The following SND1 variants were observed in gnomAD, a reference collection of about 807,000 sequenced individuals.
The protein encoded by SND1 is staphylococcal nuclease domain-containing protein 1.
Under a neutral mutation model 121.7 loss-of-function variants are expected in SND1, and 38 were observed. The ratio of observed to expected loss-of-function variants is 0.31; its 90% confidence interval spans 0.24 to 0.41. The LOEUF (loss-of-function observed/expected upper bound fraction) is 0.41, where lower values mean the gene tolerates loss of function less well. SND1 is among the 10% of genes least tolerant of loss of function. SND1 has a pLI of 1.00. For missense variants in SND1, 868 were observed against 1,184.6 expected (o/e 0.73, Z 3.92); for synonymous variants, 401 against 447.4 (o/e 0.90, Z 1.31).
chr7:127,771,434 G>A (rs1182537905), intron 10 of SND1, among the ~76,000 whole-genome samples: 3 of 152,130 alleles, frequency 2.0e-5, no homozygotes, highest in African/African-American at 7.2e-5. Context: ...AACTCATTGA[G>A]GTCTACTTGC....
At chr7:127,776,592 A>T (rs1247687414) in intron 10 of SND1, among the ~76,000 whole-genome samples, 1 of 152,250 alleles carries the variant, frequency 6.6e-6, no homozygotes, top group East Asian at 1.9e-4. Context: ...CTCTTATTTA[A>T]AACTAATCAA....
chr7:127,857,967 G>T, intron 12 of SND1: 1 of 1,403,054 alleles, frequency 7.1e-7, no homozygotes, highest in South Asian at 1.2e-5. Flanking sequence ...TCTGCATCTG[G>T]TCGCTGGTGA....
intron 10 of SND1, among the ~76,000 whole-genome samples, chr7:127,765,462 G>A (rs548431266): frequency 2.0e-5 from 3 of 152,328 alleles, no homozygotes; most frequent in Admixed American, 6.5e-5. Context: ...AGTGAGAATA[G>A]TAAAATATCA....
At chr7:127,991,923 C>T (rs1249281464) in intron 16 of SND1, among the ~76,000 whole-genome samples, 2 of 152,070 alleles carry the variant, frequency 1.3e-5, no homozygotes, top group African/African-American at 4.8e-5. Flanking sequence ...ATACATGAGG[C>T]GTGAGAGAAC....
In SND1 at chr7:127,871,449, C is replaced by T. The variant is rs1049424326; in HGVS notation, c.1344-16453C>T. 7.2e-5 allele frequency among the ~76,000 whole-genome samples: 11 copies of T among 152,262 alleles called. No homozygotes were observed. In the East Asian group the frequency reaches 1.2e-3, roughly 16 times the overall value. On this transcript the variant is annotated intron_variant, in intron 12 of 23. Coordinates refer to ENST00000354725, the MANE Select transcript of SND1 (RefSeq NM_014390.4). ...TGCATTGTGCTGCAGGCTATGACTA[C>T]GCAGTCTCTAGGCCATAGCAGATTT...
intron 14 of SND1, among the ~76,000 whole-genome samples, chr7:127,926,745 T>C (rs894244002): frequency 1.3e-5 from 2 of 148,956 alleles, no homozygotes; most frequent in African/African-American, 5.1e-5. Flanking sequence ...GTTGTTGTTG[T>C]TGTTGTTGTT....
chr7:127,921,840 G>T (rs911486468), intron 14 of SND1, among the ~76,000 whole-genome samples: 6 of 152,128 alleles, frequency 3.9e-5, no homozygotes, highest in Non-Finnish European at 5.9e-5. Context: ...AGATTCATAC[G>T]TGTTGTTGCC....
intron 16 of SND1, among the ~76,000 whole-genome samples, chr7:128,072,871 G>A: frequency 6.6e-6 from 1 of 152,216 alleles, no homozygotes; most frequent in East Asian, 1.9e-4. Context: ...TACAAGAGTA[G>A]GTCCTTCAGC....
At chr7:128,006,727 A>T (rs1464149871) in intron 16 of SND1, among the ~76,000 whole-genome samples, 1 of 152,244 alleles carries the variant, frequency 6.6e-6, no homozygotes, top group African/African-American at 2.4e-5. Context: ...GCTGTGGCAT[A>T]AAGTGAGCCA....
rs1490000095 is a variant in SND1 at position 127,926,826 on chromosome 7, C to T, written c.1528-2362C>T. On this transcript the variant is annotated intron_variant, in intron 14 of 23. Coordinates refer to ENST00000354725, the MANE Select transcript of SND1 (RefSeq NM_014390.4). ...CAGGATACTCTCGATCTCCTGACCT[C>T]GTGATTTGCCTGCCTCAGCCTCCCA... Among the ~76,000 whole-genome samples, 3 of 151,582 alleles carry T rather than the reference C, an allele frequency of 2.0e-5. No individual in the cohort carries two copies. The East Asian group carries it at 5.8e-4, about 29-fold the overall frequency.
chr7:127,847,113 CA>C (rs1010036582), intron 12 of SND1, among the ~76,000 whole-genome samples: 2 of 151,032 alleles, frequency 1.3e-5, no homozygotes, highest in African/African-American at 4.9e-5. Context: ...ACTAAAAATA[CA>C]AAAAAAAATT....
chr7:127,662,910 T>G (rs1312785161), intron 1 of SND1, among the ~76,000 whole-genome samples: 2 of 130,454 alleles, frequency 1.5e-5, no homozygotes, highest in Non-Finnish European at 3.5e-5. Context: ...TTTTTTTTTT[T>G]GAGACAGAAT....
chr7:128,012,184 G>A (rs1370065977), intron 16 of SND1, among the ~76,000 whole-genome samples: 2 of 152,136 alleles, frequency 1.3e-5, no homozygotes, highest in Non-Finnish European at 2.9e-5. Flanking sequence ...AAGTTTTCAT[G>A]AGTAATCTGG....
rs993188344 is a variant in SND1 at position 127,703,180 on chromosome 7, C to T, written c.697C>T (p.Arg233Trp). Residue 233 changes from arginine (R) to tryptophan (W), a missense_variant, in exon 7 of 24, where the codon CGG (arginine) becomes TGG (tryptophan). Around this residue, in one of 2 missense-constraint regions of SND1, gnomAD observed 743 missense variants for 1,071.3 expected, o/e 0.69. Coordinates refer to ENST00000354725, the MANE Select transcript of SND1 (RefSeq NM_014390.4). ...LSGIKCPTFR[R>W]EADGSETPEP... ...TTTGCTTTAGTGCCCAACTTTTCGACGGGAAGCAGATGGCAGTGAAACTCC... is the reference window on the plus strand; with the variant it reads ...TTTGCTTTAGTGCCCAACTTTTCGATGGGAAGCAGATGGCAGTGAAACTCC... 3 of 1,614,042 alleles carry T rather than the reference C, an allele frequency of 1.9e-6. No individual in the cohort carries two copies. Among genetic ancestry groups the T allele is most frequent in the East Asian group, 4.5e-5 (2 of 44,868 alleles).
At chr7:127,909,958 G>A (rs1490576440) in intron 14 of SND1, among the ~76,000 whole-genome samples, 1 of 152,170 alleles carries the variant, frequency 6.6e-6, no homozygotes, top group Non-Finnish European at 1.5e-5. Flanking sequence ...GACAGGGTTG[G>A]ATTTTCTCCA....
intron 16 of SND1, chr7:128,031,219 C>T (rs1792588604): frequency 6.6e-6 from 1 of 152,218 alleles, no homozygotes; most frequent in Non-Finnish European, 1.5e-5. Flanking sequence ...GCCACCAGCG[C>T]TTCCCGGCTT....
rs150924914 is a variant in SND1 at position 128,023,445 on chromosome 7, G to T, written c.1779+32389G>T. Among the ~76,000 whole-genome samples the T allele has an allele frequency of 3.0e-3, 457 of 152,288 alleles. 2 individuals carry two copies. Among genetic ancestry groups the T allele is most frequent in the Middle Eastern group, 6.8e-3 (2 of 294 alleles). On this transcript the variant is annotated intron_variant, in intron 16 of 23. Coordinates refer to ENST00000354725, the MANE Select transcript of SND1 (RefSeq NM_014390.4). ...TTTACCTTCTTGGTAAAGGACCTAG[G>T]CTTCCCAAGGTCCCAGCCCTCAGCT...
intron 15 of SND1, among the ~76,000 whole-genome samples, chr7:127,960,710 CA>C (rs1801711583): frequency 6.6e-6 from 1 of 152,162 alleles, no homozygotes; most frequent in African/African-American, 2.4e-5. Flanking sequence ...GTAGGAAGAA[CA>C]AATGGACCAG....
At chr7:127,793,298 CAT>C (rs1797947679) in intron 10 of SND1, among the ~76,000 whole-genome samples, 1 of 152,184 alleles carries the variant, frequency 6.6e-6, no homozygotes, top group East Asian at 1.9e-4. Flanking sequence ...TTTGCTCTGA[CAT>C]ATGTGATATC....
Sources: gnomAD v4.1 joint callset for allele counts (sites outside exome capture counted in the v4.1 genomes callset) on GRCh38, gnomAD v4.1.1 for gene constraint, gnomAD v4.1.1 regional missense constraint, MANE v1.5 for transcripts, NCBI Gene and HGNC (gene_info 2026-07-23, HGNC 2026-07-21) for gene names.